The following CDC20B variants were observed in gnomAD, a reference collection of about 807,000 sequenced individuals.
CDC20B encodes the protein cell division cycle protein 20 homolog B.
In CDC20B, 58 loss-of-function variants were observed where a neutral mutation model predicts 64.1. That is an observed-to-expected ratio of 0.90 (90% CI 0.73 to 1.13). The LOEUF is 1.13. Among genes scored for constraint, CDC20B ranks in the 50% most tolerant of loss-of-function variants. The pLI, the probability that CDC20B is intolerant of heterozygous loss-of-function variation, is 0.00. For missense variants in CDC20B, 597 were observed against 633.0 expected, an observed-to-expected ratio of 0.94 and a Z score of 0.61; for synonymous variants, 243 against 230.6, an observed-to-expected ratio of 1.05 and a Z score of -0.49.
chr5:55,116,780 T>C (rs1474106983), intron 11 of CDC20B, among the ~76,000 whole-genome samples: 2 of 152,224 alleles, frequency 1.3e-5, no homozygotes, highest in East Asian at 3.8e-4. Flanking sequence ...AAAGGAATAA[T>C]GGTGGGGGGA....
Position 55,147,013 on chromosome 5 carries a change from T to C in CDC20B, c.127-157A>G, listed in dbSNP as rs539469543. Among the ~76,000 whole-genome samples, 377 of 149,092 alleles carry C rather than the reference T, an allele frequency of 2.5e-3. 3 individuals carry two copies. The highest frequency in any genetic ancestry group is 8.6e-3 in the African/African-American group (352 of 41,000). On this transcript the variant is annotated intron_variant, in intron 2 of 11. Transcript: ENST00000381375. ...TTTTTGTAACCTAGATATTATTTTA[T>C]ATATTTGTATATATTTTTGTATATA...
At chr5:55,161,089 C>G (rs1426614532) in intron 2 of CDC20B, 2 of 1,614,226 alleles carry the variant, frequency 1.2e-6, no homozygotes, top group South Asian at 1.1e-5. Flanking sequence ...GACCATCCCA[C>G]TTCAGCGTGT....
chr5:55,168,312 C>T (rs1289388887), intron 2 of CDC20B, among the ~76,000 whole-genome samples: 1 of 151,954 alleles, frequency 6.6e-6, no homozygotes, highest in African/African-American at 2.4e-5. Context: ...ACATTCCCAG[C>T]ACCAGTGAAC....
At position 55,164,108 on chromosome 5, in the gene CDC20B, G is replaced by C. The variant is rs1744246125; in HGVS notation, c.126+8480C>G. On this transcript the variant is annotated intron_variant, in intron 2 of 11. Coordinates refer to ENST00000381375, the MANE Select transcript of CDC20B (RefSeq NM_001170402.1). ...TTTTTGGAAGTATCTTGTCAACCCT[G>C]AGGGTCAAGTTGTGAAGTTCTGGAA... 1.9e-6 allele frequency: 3 copies of C among 1,604,950 alleles called. 1 individual carries two copies. The highest frequency in any genetic ancestry group is 2.7e-5 in the African/African-American group (2 of 74,774).
Position 55,140,409 on chromosome 5 carries a change from T to C in CDC20B, c.487-2A>G, listed in dbSNP as rs1240836665. The C allele has an allele frequency of 1.0e-5, 16 of 1,604,796 alleles. 1 individual carries two copies. The highest frequency in any genetic ancestry group is 4.4e-5 in the South Asian group (4 of 90,214). On this transcript the variant is annotated splice_acceptor_variant, in intron 4 of 11. Coordinates refer to ENST00000381375, the MANE Select transcript of CDC20B (RefSeq NM_001170402.1). LOFTEE classifies it high-confidence loss of function. Reference sequence around the variant, plus strand: ...TACAAAGAGTTGTTTTAGGCATTTCTGAAAATAAACACACATAAGGAGAAT... The same window carrying C: ...TACAAAGAGTTGTTTTAGGCATTTCCGAAAATAAACACACATAAGGAGAAT...
chr5:55,133,652 T>C (rs906178568), intron 5 of CDC20B, 124 bp from the exon 6 acceptor site: 5 of 466,430 alleles, frequency 1.1e-5, no homozygotes, highest in East Asian at 6.2e-5. Context: ...GTAGTCATCA[T>C]GATAAAACTA....
chr5:55,161,140 C>T lies in CDC20B; in HGVS notation c.126+11448G>A, dbSNP rs114062874. On this transcript the variant is annotated intron_variant, in intron 2 of 11. Coordinates refer to ENST00000381375, the MANE Select transcript of CDC20B (RefSeq NM_001170402.1). Reference sequence around the variant, plus strand: ...ATCAGTTTGGAGAATCGGAGCCCCGCCCAAGCAAGGAAGTAGAATCTTTTG... The same window carrying T: ...ATCAGTTTGGAGAATCGGAGCCCCGTCCAAGCAAGGAAGTAGAATCTTTTG... 9.5e-4 allele frequency: 1,539 copies of T among 1,614,186 alleles called. 14 individuals are homozygous for T. The African/African-American group carries it at 0.019, about 20-fold the overall frequency.
chr5:55,172,902 A>T (rs1744671427), intron 1 of CDC20B, 36 bp downstream of exon 1: 2 of 1,558,012 alleles, frequency 1.3e-6, no homozygotes, highest in South Asian at 1.2e-5. Context: ...CCCGCATTAG[A>T]GAGTTAGGGA....
intron 9 of CDC20B, 40 bp from the exon 10 acceptor site, chr5:55,120,590 A>G: frequency 6.2e-7 from 1 of 1,607,894 alleles, no homozygotes; most frequent in East Asian, 2.2e-5. Flanking sequence ...GGTCAGCTTC[A>G]AAGGAGGTGC....
chr5:55,124,845 C>G lies in CDC20B; in HGVS notation c.1173G>C (p.Gln391His), dbSNP rs772950577. 2.5e-5 allele frequency: 41 copies of G among 1,614,070 alleles called. No individual in the cohort carries two copies. The South Asian group carries it at 3.4e-4, about 13-fold the overall frequency. The change falls in exon 9 of 12, where the codon CAG (glutamine) becomes CAC (histidine). Residue 391 changes from glutamine to histidine, a missense_variant. Gln to His is a conservative substitution (Grantham distance 24). Around this residue, in one of 3 missense-constraint regions of CDC20B, gnomAD observed 353 missense variants for 397.0 expected, o/e 0.89. Coordinates refer to ENST00000381375, the MANE Select transcript of CDC20B (RefSeq NM_001170402.1). ...IWPHDPGASA[Q>H]GQPLKVITQS... ...GGGTTATGACTTTCAGCGGTTGGCC[C>G]TGTGCACTGGCACCTGGATCGTGGG...
At chr5:55,118,085 C>A (rs1742666428) in intron 11 of CDC20B, among the ~76,000 whole-genome samples, 1 of 151,984 alleles carries the variant, frequency 6.6e-6, no homozygotes, top group Non-Finnish European at 1.5e-5. Flanking sequence ...TGCCATTGAG[C>A]TTCAGCCTAG....
At chr5:55,163,343 G>T (rs957191675) in intron 2 of CDC20B, among the ~76,000 whole-genome samples, 1 of 151,740 alleles carries the variant, frequency 6.6e-6, no homozygotes, top group Non-Finnish European at 1.5e-5. Context: ...GCAACACAGC[G>T]AGACCCTGCC....
chr5:55,169,614 G>A (rs146193549), intron 2 of CDC20B, among the ~76,000 whole-genome samples: 50 of 152,260 alleles, frequency 3.3e-4, no homozygotes, highest in African/African-American at 1.1e-3. Context: ...TGATTTTACA[G>A]AAAATGAAGT....
At chr5:55,122,249 T>C (rs979411079) in intron 9 of CDC20B, among the ~76,000 whole-genome samples, 1 of 149,080 alleles carries the variant, frequency 6.7e-6, no homozygotes, top group Non-Finnish European at 1.5e-5. Flanking sequence ...ATGAACTAAA[T>C]TAAACAATTT....
intron 1 of CDC20B, 38 bp from the exon 2 acceptor site, chr5:55,172,688 T>C (rs1744642199): frequency 6.9e-7 from 1 of 1,456,640 alleles, no homozygotes; most frequent in Non-Finnish European, 9.6e-7. Flanking sequence ...GGAGAAACTA[T>C]TTAGGAAAAT....
intron 2 of CDC20B, chr5:55,160,968 G>A (rs1744016943): frequency 1.3e-6 from 2 of 1,583,750 alleles, no homozygotes; most frequent in Admixed American, 1.9e-5. Context: ...TCACTTTCCG[G>A]TTGGATTTTT....
intron 2 of CDC20B, among the ~76,000 whole-genome samples, chr5:55,152,072 A>C (rs1470675528): frequency 6.6e-6 from 1 of 152,360 alleles, no homozygotes; most frequent in East Asian, 1.9e-4. Context: ...CAATGTGACC[A>C]AAGAGGCAGT....
chr5:55,116,850 T>C (rs943171499), intron 11 of CDC20B, among the ~76,000 whole-genome samples: 1 of 152,238 alleles, frequency 6.6e-6, no homozygotes, highest in African/African-American at 2.4e-5. Context: ...ACTGGAAAGC[T>C]ACTTTTAGAA....
intron 9 of CDC20B, 71 bp from the exon 10 acceptor site, chr5:55,120,621 T>C: frequency 6.3e-7 from 1 of 1,583,734 alleles, no homozygotes; most frequent in Non-Finnish European, 8.6e-7. Flanking sequence ...GTGATGCACT[T>C]AGGTAAGCAG....
Sources: allele counts gnomAD v4.1 joint callset (sites outside exome capture counted in the v4.1 genomes callset), GRCh38; gene constraint gnomAD v4.1.1; regional missense constraint gnomAD v4.1.1; transcripts MANE v1.5; gene names NCBI Gene and HGNC (gene_info 2026-07-23, HGNC 2026-07-21).